The following PRMT8 variants were observed in gnomAD, a reference collection of about 807,000 sequenced individuals.
PRMT8 encodes the protein protein arginine methyltransferase 8.
A neutral mutation model predicts 47.1 loss-of-function variants in PRMT8; 7 were observed. That is an observed-to-expected ratio of 0.15 (90% CI 0.08 to 0.28). The LOEUF (loss-of-function observed/expected upper bound fraction) is 0.28. PRMT8 is among the 10% of genes least tolerant of loss of function. PRMT8 has a pLI of 1.00. For missense variants in PRMT8, 237 were observed against 505.4 expected (o/e 0.47, Z 5.09); for synonymous variants, 188 against 186.5 (o/e 1.01, Z -0.07).
At chr12:3,515,642 A>G (rs1207073579) in intron 1 of PRMT8, among the ~76,000 whole-genome samples, 1 of 152,246 alleles carries the variant, frequency 6.6e-6, no homozygotes, top group African/African-American at 2.4e-5. Flanking sequence ...CTTGACAGCC[A>G]CCACACTGCA....
rs531458419 is a variant in PRMT8, at chr12:3,567,877, C to A, written c.482-829C>A. ...TCACCTGAGGTCAGGAGTTTGAGAC[C>A]ACTCTGGCCAACATGGTGAAACCCC... is the stretch of plus-strand genomic sequence containing the variant. On this transcript the variant is annotated intron_variant, in intron 4 of 9. Transcript: ENST00000382622. 2.0e-5 allele frequency among the ~76,000 whole-genome samples: 3 copies of A among 152,186 alleles called. No individual in the cohort carries two copies. In the East Asian group the frequency reaches 5.8e-4, roughly 29 times the overall value.
chr12:3,393,388 G>T (rs1432307547), intron 1 of PRMT8, among the ~76,000 whole-genome samples: 3 of 149,408 alleles, frequency 2.0e-5, no homozygotes, highest in African/African-American at 7.5e-5. Flanking sequence ...ATTGATTTTT[G>T]TATAAGGTGT....
chr12:3,530,802 G>A (rs1218886275), intron 1 of PRMT8, among the ~76,000 whole-genome samples: 2 of 152,170 alleles, frequency 1.3e-5, no homozygotes, highest in African/African-American at 4.8e-5. Context: ...CGGCGAGAGC[G>A]GGAAGCCTGG....
chr12:3,496,220 T>TATATATATATATAGA (rs1865508275), intron 1 of PRMT8, among the ~76,000 whole-genome samples: 1 of 42,190 alleles, frequency 2.4e-5, no homozygotes, highest in Non-Finnish European at 4.4e-5. Context: ...ATATATTTTT[T>TATATATATATATAGA]TTTTTTTTTT....
At chr12:3,454,227 C>T (rs1864950514) in intron 1 of PRMT8, among the ~76,000 whole-genome samples, 2 of 152,016 alleles carry the variant, frequency 1.3e-5, no homozygotes, top group Admixed American at 1.3e-4. Flanking sequence ...TTTGCCTTCT[C>T]CTGAAGCCGC....
At chr12:3,388,627 T>G (rs1260201074) in intron 1 of PRMT8, among the ~76,000 whole-genome samples, 1 of 30,928 alleles carries the variant, frequency 3.2e-5, no homozygotes, top group African/African-American at 7.6e-5. Context: ...ATATTTACAA[T>G]GAAGAAACTG....
chr12:3,505,900 C>A (rs976285606), intron 1 of PRMT8, among the ~76,000 whole-genome samples: 1 of 152,206 alleles, frequency 6.6e-6, no homozygotes, highest in Admixed American at 6.5e-5. Context: ...TAGATCCCCT[C>A]ATCTTCCTAG....
intron 1 of PRMT8, among the ~76,000 whole-genome samples, chr12:3,400,727 A>G (rs183299819): frequency 3.9e-5 from 6 of 152,350 alleles, no homozygotes; most frequent in Admixed American, 6.5e-5. Flanking sequence ...TCAGGCCAAT[A>G]TCCTTGATGA....
intron 1 of PRMT8, among the ~76,000 whole-genome samples, chr12:3,517,666 A>G (rs570965739): frequency 1.3e-5 from 2 of 152,236 alleles, no homozygotes; most frequent in Non-Finnish European, 2.9e-5. Context: ...CACAGGGAAA[A>G]GCTCAAACAC....
chr12:3,555,588 G>C (rs1415204774), intron 4 of PRMT8, among the ~76,000 whole-genome samples: 1 of 152,186 alleles, frequency 6.6e-6, no homozygotes, highest in African/African-American at 2.4e-5. Context: ...GTCTGTTGGA[G>C]GATTTCAAGC....
At chr12:3,435,749 T>C (rs1864734390) in intron 1 of PRMT8, among the ~76,000 whole-genome samples, 1 of 152,018 alleles carries the variant, frequency 6.6e-6, no homozygotes, top group South Asian at 2.1e-4. Context: ...CTCGATCTCC[T>C]GACCTCATGA....
intron 1 of PRMT8, among the ~76,000 whole-genome samples, chr12:3,437,487 G>A (rs1864756654): frequency 6.6e-6 from 1 of 151,762 alleles, no homozygotes; most frequent in African/African-American, 2.4e-5. Flanking sequence ...CATAGTGCTC[G>A]ATAAGCAGTT....
At chr12:3,519,225 G>GA (rs1437884070) in intron 1 of PRMT8, among the ~76,000 whole-genome samples, 1 of 152,060 alleles carries the variant, frequency 6.6e-6, no homozygotes, top group Non-Finnish European at 1.5e-5. Flanking sequence ...AGGAAACAGG[G>GA]AATGACAGAG....
intron 1 of PRMT8, among the ~76,000 whole-genome samples, chr12:3,516,120 C>T (rs186578386): frequency 3.3e-5 from 5 of 152,298 alleles, no homozygotes; most frequent in Admixed American, 3.3e-4. Context: ...CATCTCAGAG[C>T]AGCATTGAGT....
intron 4 of PRMT8, among the ~76,000 whole-genome samples, chr12:3,563,286 A>C (rs2137196880): frequency 6.6e-6 from 1 of 152,126 alleles, no homozygotes; most frequent in Non-Finnish European, 1.5e-5. Flanking sequence ...CAAGAGAGCC[A>C]GAGCGGGCTA....
intron 8 of PRMT8, among the ~76,000 whole-genome samples, chr12:3,584,679 A>T: frequency 6.6e-6 from 1 of 152,242 alleles, no homozygotes; most frequent in African/African-American, 2.4e-5. Flanking sequence ...TTTCTTTTGT[A>T]TCATTCCACC....
chr12:3,400,142 C>T (rs1202345206), intron 1 of PRMT8, among the ~76,000 whole-genome samples: 1 of 151,642 alleles, frequency 6.6e-6, no homozygotes, highest in African/African-American at 2.4e-5. Context: ...CTAGCAGAAA[C>T]CAAGAAATAA....
intron 1 of PRMT8, among the ~76,000 whole-genome samples, chr12:3,396,077 C>T (rs2137048046): frequency 6.6e-6 from 1 of 152,242 alleles, no homozygotes; most frequent in South Asian, 2.1e-4. Context: ...AGATCTTCCT[C>T]CATCCTTTTA....
At chr12:3,473,351 G>A (rs1213853948) in intron 1 of PRMT8, among the ~76,000 whole-genome samples, 3 of 152,020 alleles carry the variant, frequency 2.0e-5, no homozygotes, top group South Asian at 2.1e-4. Context: ...GCAGCTGATC[G>A]CTCCACCCAG....
Sources: allele counts gnomAD v4.1 joint callset (sites outside exome capture counted in the v4.1 genomes callset), GRCh38; gene constraint gnomAD v4.1.1; transcripts MANE v1.5; gene names NCBI Gene and HGNC (gene_info 2026-07-23, HGNC 2026-07-21).